ACAP3: variants seen among roughly 807,000 people sequenced by gnomAD.
ACAP3 encodes ArfGAP with coiled-coil, ankyrin repeat and PH domains 3.
ACAP3 carries 56 observed loss-of-function variants against 104.1 expected under a neutral mutation model. The observed-to-expected ratio is 0.54, with a 90% CI of 0.43 to 0.67. The LOEUF (loss-of-function observed/expected upper bound fraction) is 0.67. Among genes scored for constraint, ACAP3 ranks in the 30% least tolerant of loss-of-function variants. The pLI, the probability that ACAP3 is intolerant of heterozygous loss-of-function variation, is 0.00. For missense variants in ACAP3, 1,208 were observed against 1,174.9 expected (o/e 1.03, Z -0.41); for synonymous variants, 628 against 496.2 (o/e 1.27, Z -3.53).
Position 1,296,018 on chromosome 1 carries a change from G to A in ACAP3, c.1499C>T (p.Ser500Phe), listed in dbSNP as rs372915071. 5 of 1,612,660 alleles carry A rather than the reference G, an allele frequency of 3.1e-6. No homozygotes were observed. In the African/African-American group the frequency reaches 6.7e-5, roughly 22 times the overall value. Residue 500 changes from serine (S) to phenylalanine (F), a missense_variant, in exon 17 of 24, where the codon TCC becomes TTC. Ser to Phe is a radical substitution (Grantham distance 155). Coordinates refer to ENST00000354700, the MANE Select transcript of ACAP3 (RefSeq NM_030649.3). ...TCCAGACTGTACCCCACCTCACCGG[G>A]AGCTGCTGGCTGTGGGTTTCCTGCT... is the stretch of plus-strand genomic sequence containing the variant. Reference protein sequence around the residue: ...AGSRKPTASSSRQDKEAWIKD... With the variant: ...AGSRKPTASSFRQDKEAWIKD...
At chr1:1,301,347 C>G (rs1187754927) in intron 5 of ACAP3, 1 of 151,228 alleles carries the variant, frequency 6.6e-6, no homozygotes, top group Non-Finnish European at 1.5e-5. Flanking sequence ...GCTGCCTCCG[C>G]CTCCTGGGCT....
Position 1,292,946 on chromosome 1 carries a change from A to T in ACAP3, c.*618T>A, listed in dbSNP as rs72896218. 0.015 allele frequency: 2,240 copies of T among 152,376 alleles called. 20 individuals are homozygous for T. The highest frequency in any genetic ancestry group is 0.028 in the Admixed American group (432 of 15,308). 9.4% of individuals were successfully genotyped at this position (152,376 alleles called of 1,614,324 possible). On this transcript the variant is annotated 3_prime_UTR_variant, in exon 24 of 24. Transcript: ENST00000354700. ...GAAGGTGCCTCCGGAGGAGGCCGGG[A>T]TGCGGCTGGGGCTGTCTGGCACGGG...
intron 16 of ACAP3, 34 bp from the exon 17 acceptor site, chr1:1,296,143 G>C (rs746292944): frequency 3.7e-6 from 6 of 1,610,892 alleles, no homozygotes; most frequent in Non-Finnish European, 5.1e-6. Context: ...GCATCAGTGC[G>C]AACCTGCAGA....
At chr1:1,301,694 C>G (rs1039453166) in intron 5 of ACAP3, 6 of 277,724 alleles carry the variant, frequency 2.2e-5, no homozygotes, top group Admixed American at 1.1e-4. Context: ...CCCCACCTCA[C>G]TCTCAAGATC....
Position 1,300,199 on chromosome 1 carries a change from T to C in ACAP3, c.526A>G (p.Asn176Asp). ...AACTTCTTCTTGGCCTGCAGAACATTGATCTGCCAGAGGGGGAGCCCACAG... is the reference window on the plus strand; with the variant it reads ...AACTTCTTCTTGGCCTGCAGAACATCGATCTGCCAGAGGGGGAGCCCACAG... ...HLALDYVLQI[N>D]VLQAKKKFEI... The change falls in exon 7 of 24, where the codon AAT (asparagine) becomes GAT (aspartate). Residue 176 changes from asparagine (N) to aspartate (D), a missense_variant. By Grantham distance (23) the Asn-to-Asp change is conservative (BLOSUM62 1). Coordinates refer to ENST00000354700, the MANE Select transcript of ACAP3 (RefSeq NM_030649.3). 6.2e-7 allele frequency: 1 copy of C among 1,608,074 alleles called. No individual in the cohort carries two copies.
intron 19 of ACAP3, 151 bp from the exon 20 acceptor site, chr1:1,294,967 G>C: frequency 2.9e-6 from 2 of 696,234 alleles, no homozygotes; most frequent in Non-Finnish European, 4.8e-6. Context: ...GCCAGCTGCA[G>C]GCTAGGAGCA....
At position 1,303,824 on chromosome 1, in the gene ACAP3, C is replaced by T. The variant is rs188297919; in HGVS notation, c.105+262G>A. ...CGTGTCACCAGCCCAGCAGAGGGGA[C>T]GGGCAGCCACCGTGGGTCGGGGACT... On this transcript the variant is annotated intron_variant, in intron 2 of 23. Coordinates refer to ENST00000354700, the MANE Select transcript of ACAP3 (RefSeq NM_030649.3). The surrounding 1 kb of genome is among the most constrained non-coding windows in gnomAD (Gnocchi z 4.0). The T allele has an allele frequency of 7.5e-5, 42 of 560,056 alleles. No homozygotes were observed. Among genetic ancestry groups the T allele is most frequent in the Admixed American group, 6.7e-4 (21 of 31,362 alleles). 34.7% of individuals were successfully genotyped at this position (560,056 alleles called of 1,614,324 possible). A position where few individuals can be genotyped will look rare whatever the true frequency, so the allele number is the denominator to read the frequency against.
chr1:1,305,844 G>C (rs1570667287), intron 1 of ACAP3: 1 of 152,350 alleles, frequency 6.6e-6, no homozygotes, highest in East Asian at 1.9e-4. Context: ...CACTGCACCT[G>C]GGCTGCCACT....
intron 1 of ACAP3, chr1:1,307,119 G>A (rs1570672143): frequency 8.3e-7 from 1 of 1,202,384 alleles, no homozygotes; most frequent in Middle Eastern, 2.2e-4. Context: ...TTTGCCAAAT[G>A]TCCACCAAGC....
In ACAP3 at chr1:1,298,022, G is replaced by A; in HGVS notation, c.1007C>T (p.Ser336Leu). ...GGCTGGGCCTCCTCACTTGGTGGGTGACAGCACCTCGAAGCAGAACCTCCG... is the reference window on the plus strand; with the variant it reads ...GGCTGGGCCTCCTCACTTGGTGGGTAACAGCACCTCGAAGCAGAACCTCCG... ...IERRFCFEVL[S>L]PTKSCMLQAD... is the part of the protein sequence containing the mutation. The change falls in exon 13 of 24, where the codon TCA (serine) becomes TTA (leucine). Residue 336 changes from serine to leucine, a missense_variant. Transcript: ENST00000354700. 6.2e-7 allele frequency: 1 copy of A among 1,611,942 alleles called. No individual in the cohort carries two copies. Among genetic ancestry groups the A allele is most frequent in the Non-Finnish European group, 8.5e-7 (1 of 1,179,568 alleles).
rs758335799 is a variant in ACAP3 at position 1,294,135 on chromosome 1, C to T, written c.2204G>A (p.Arg735Gln). 4.4e-6 allele frequency: 7 copies of T among 1,593,790 alleles called. 1 individual carries two copies. The African/African-American group carries it at 6.7e-5, about 15-fold the overall frequency. Residue 735 changes from arginine (R) to glutamine (Q), a missense_variant, in exon 22 of 24, where the codon CGG (arginine) becomes CAG (glutamine). Transcript: ENST00000354700. Reference sequence around the variant, plus strand: ...GGCGTGGTGCAGGGGCGCCCGGCCCCGGCTGTCTCTTTGGTTCACGTCCGC... The same window carrying T: ...GGCGTGGTGCAGGGGCGCCCGGCCCTGGCTGTCTCTTTGGTTCACGTCCGC... ...NGADVNQRDS[R>Q]GRAPLHHATL...
rs970285850 is a variant in ACAP3, at chr1:1,293,507, T to C, written c.*57A>G. On this transcript the variant is annotated 3_prime_UTR_variant, in exon 24 of 24. Transcript: ENST00000354700. Reference sequence around the variant, plus strand: ...CGCGGCCGGGTGGGCGCCAGGGACTTCGGGGCATGCGGGGCGTCGGGCCGG... The same window carrying C: ...CGCGGCCGGGTGGGCGCCAGGGACTCCGGGGCATGCGGGGCGTCGGGCCGG... 1 of 1,376,002 alleles carries C rather than the reference T, an allele frequency of 7.3e-7. No homozygotes were observed. The highest frequency in any genetic ancestry group is 3.9e-5 in the Admixed American group (1 of 25,488). The allele number at this position is 1,376,002 out of a possible 1,614,324, so 85.2% of individuals were successfully genotyped here.
intron 10 of ACAP3, 35 bp from the exon 11 acceptor site, chr1:1,298,714 C>A (rs1178293015): frequency 4.0e-6 from 6 of 1,501,660 alleles, no homozygotes; most frequent in Non-Finnish European, 5.6e-6. Flanking sequence ...CAGTGCCCAC[C>A]CCAGGGGCCC....
At position 1,296,584 on chromosome 1, in the gene ACAP3, G is replaced by T; in HGVS notation, c.1178C>A (p.Thr393Asn). 1 of 1,539,654 alleles carries T rather than the reference G, an allele frequency of 6.5e-7. No individual in the cohort carries two copies. ...SPSTSSIDSA[T>N]DTRERGVKGE... ...CTTCACGCCACGCTCCCGAGTGTCG[G>T]TGGCGGAGTCGATGCTGCTCGTGGA... Residue 393 changes from threonine to asparagine, a missense_variant, in exon 15 of 24, where the codon ACC (threonine) becomes AAC (asparagine). Physicochemically the swap from Thr to Asn is moderately conservative, Grantham distance 65. Transcript: ENST00000354700.
At position 1,293,891 on chromosome 1, in the gene ACAP3, G is replaced by T; in HGVS notation, c.2292C>A (p.Ala764=). Residue 764 remains alanine (A), a synonymous_variant, in exon 23 of 24, where the codon GCC becomes GCA. Coordinates refer to ENST00000354700, the MANE Select transcript of ACAP3 (RefSeq NM_030649.3). Reference sequence around the variant, plus strand: ...ACGGGTCCCGCTGCTCTTGGTCCAGGGCGTGCTGGTCCGCGCCCCGCTTCA... The same window carrying T: ...ACGGGTCCCGCTGCTCTTGGTCCAGTGCGTGCTGGTCCGCGCCCCGCTTCA... ...LFLKRGADQH[A]LDQEQRDPLA... The T allele has an allele frequency of 6.3e-7, 1 of 1,586,494 alleles. No homozygotes were observed.
chr1:1,298,252 TC>T, intron 12 of ACAP3, 117 bp downstream of exon 12: 1 of 1,580,202 alleles, frequency 6.3e-7, no homozygotes, highest in Non-Finnish European at 8.6e-7. Context: ...CCCTGACTGT[TC>T]CGGCTCCGGC....
At chr1:1,298,171 A>C in intron 12 of ACAP3, 58 bp from the exon 13 acceptor site, 1 of 1,565,478 alleles carries the variant, frequency 6.4e-7, no homozygotes, top group Non-Finnish European at 8.7e-7. Context: ...CCGACCACCC[A>C]CTTCCTGCTT....
intron 9 of ACAP3, 25 bp from the exon 10 acceptor site, chr1:1,299,381 TA>T (rs1381308869): frequency 2.0e-6 from 3 of 1,532,620 alleles, no homozygotes; most frequent in Non-Finnish European, 2.6e-6. Context: ...CAGGAGGGGG[TA>T]GGGGGAGAAA....
Position 1,294,134 on chromosome 1 carries a change from C to G in ACAP3, c.2205G>C (p.Arg735=). 2 of 1,593,616 alleles carry G rather than the reference C, an allele frequency of 1.3e-6. No individual in the cohort carries two copies. The highest frequency in any genetic ancestry group is 2.3e-5 in the East Asian group (1 of 44,062). Residue 735 remains arginine, a synonymous_variant, in exon 22 of 24, where the codon CGG becomes CGC. Coordinates refer to ENST00000354700, the MANE Select transcript of ACAP3 (RefSeq NM_030649.3). ...NGADVNQRDS[R]GRAPLHHATL... ...TGGCGTGGTGCAGGGGCGCCCGGCC[C>G]CGGCTGTCTCTTTGGTTCACGTCCG...
Sources: allele counts gnomAD v4.1 joint callset, GRCh38; gene constraint gnomAD v4.1.1; non-coding constraint Gnocchi (gnomAD v3.1); transcripts MANE v1.5; gene names NCBI Gene and HGNC (gene_info 2026-07-23, HGNC 2026-07-21).